The following DLEC1 variants were observed in gnomAD, a reference collection of about 807,000 sequenced individuals.
DLEC1 encodes the protein deleted in lung and esophageal cancer protein 1.
DLEC1 carries 146 observed loss-of-function variants against 198.1 expected under a neutral mutation model. The observed-to-expected ratio is 0.74, with a 90% CI of 0.64 to 0.85. The LOEUF (loss-of-function observed/expected upper bound fraction) is 0.85, where lower values mean the gene tolerates loss of function less well. Ranked by LOEUF, DLEC1 falls within the 40% of genes least tolerant of loss-of-function variation. DLEC1 has a pLI of 0.00. For missense variants in DLEC1, 2,233 were observed against 2,220.0 expected, an observed-to-expected ratio of 1.01 and a Z score of -0.12; for synonymous variants, 897 against 866.8, an observed-to-expected ratio of 1.03 and a Z score of -0.61.
At chr3:38,059,470 C>T (rs1696563972) in intron 2 of DLEC1, among the ~76,000 whole-genome samples, 1 of 152,232 alleles carries the variant, frequency 6.6e-6, no homozygotes, top group African/African-American at 2.4e-5. Flanking sequence ...TTTATTCAAT[C>T]TACCATATTT....
intron 22 of DLEC1, chr3:38,109,798 G>T (rs1699765954): frequency 1.3e-6 from 1 of 748,444 alleles, no homozygotes; most frequent in African/African-American, 1.8e-5. Flanking sequence ...GCCCTGGCAG[G>T]CAGGAGATGG....
At chr3:38,114,570 ATT>A in intron 26 of DLEC1, 110 bp downstream of exon 26, 2 of 1,094,184 alleles carry the variant, frequency 1.8e-6, no homozygotes, top group Non-Finnish European at 2.7e-6. Flanking sequence ...GCCTAGGGCC[ATT>A]GGTGCCACCT....
In DLEC1 at chr3:38,107,462, T is replaced by C. The variant is rs1699625243; in HGVS notation, c.2865-122T>C. The C allele has an allele frequency of 2.7e-6, 3 of 1,093,076 alleles. No homozygotes were observed. In the East Asian group the frequency reaches 8.4e-5, roughly 31 times the overall value. The allele number at this position is 1,093,076 out of a possible 1,614,324, so 67.7% of individuals were successfully genotyped here. ...CTTTGCCGAACCCACTCATTAATTC[T>C]AGAGTTTCTAAAAATATAGATACCT... On this transcript the variant is annotated intron_variant, in intron 19 of 36. Transcript: ENST00000308059.
At chr3:38,075,616 C>A (rs544732124) in intron 6 of DLEC1, among the ~76,000 whole-genome samples, 2 of 149,332 alleles carry the variant, frequency 1.3e-5, no homozygotes, top group Admixed American at 1.3e-4. Flanking sequence ...GGGGTCGGGG[C>A]GTGGAAATAA....
chr3:38,064,055 C>T (rs956769921), intron 6 of DLEC1, 136 bp downstream of exon 6: 3 of 553,008 alleles, frequency 5.4e-6, no homozygotes, highest in African/African-American at 2.6e-5. Flanking sequence ...GGGTGTTTCT[C>T]GGAGAGGGGG....
At chr3:38,046,788 C>T (rs2886182) in intron 2 of DLEC1, among the ~76,000 whole-genome samples, 66,228 of 151,978 alleles carry the variant, frequency 0.44, 15,123 homozygotes, top group East Asian at 0.6. Flanking sequence ...TTTTTCCCCC[C>T]CTCAGGCCCA....
In DLEC1 at chr3:38,117,878, C is replaced by T; in HGVS notation, c.4558C>T (p.Leu1520Phe). 1 of 1,614,190 alleles carries T rather than the reference C, an allele frequency of 6.2e-7. No homozygotes were observed. Among genetic ancestry groups the T allele is most frequent in the South Asian group, 1.1e-5 (1 of 91,088 alleles). ...NTTEIPHYFR[L>F]MVSRPFSVSQ... is the part of the protein sequence containing the mutation. The stretch of plus-strand genomic sequence containing the variant: ...TACAGAGATCCCACACTACTTCCGG[C>T]TTATGGTCTCCAGGCCCTTCTCCGT... The change falls in exon 33 of 37, where the codon CTT becomes TTT. Residue 1520 changes from leucine to phenylalanine, a missense_variant. Coordinates refer to ENST00000308059, the MANE Select transcript of DLEC1 (RefSeq NM_007335.4).
At chr3:38,082,934 C>T (rs376531330) in intron 6 of DLEC1, among the ~76,000 whole-genome samples, 10 of 152,132 alleles carry the variant, frequency 6.6e-5, no homozygotes, top group Admixed American at 1.3e-4. Flanking sequence ...AGTCCGTGAC[C>T]GGCGCCGGAG....
rs201487599 is a variant in DLEC1 at position 38,122,356 on chromosome 3, C to T, written c.5212C>T (p.Arg1738Trp). The T allele has an allele frequency of 3.6e-5, 58 of 1,614,144 alleles. No homozygotes were observed. Among genetic ancestry groups the T allele is most frequent in the East Asian group, 2.9e-4 (13 of 44,878 alleles). The change falls in exon 37 of 37, where the codon CGG becomes TGG. Residue 1738 changes from arginine to tryptophan, a missense_variant. Coordinates refer to ENST00000308059, the MANE Select transcript of DLEC1 (RefSeq NM_007335.4). ...GVLGEKSCTL[R>W]LRGQGSYDER... ...GCTCGGTGAGAAGTCCTGCACCCTG[C>T]GGCTCCGGGGCCAAGGCTCCTATGA...
chr3:38,097,427 A>C, intron 16 of DLEC1, 80 bp from the exon 17 acceptor site: 1 of 1,593,642 alleles, frequency 6.3e-7, no homozygotes, highest in South Asian at 1.2e-5. Context: ...AGTCTGTGCA[A>C]GCCAGATGTC....
chr3:38,074,672 A>C (rs1273295698), intron 6 of DLEC1, among the ~76,000 whole-genome samples: 1 of 152,112 alleles, frequency 6.6e-6, no homozygotes, highest in African/African-American at 2.4e-5. Context: ...GCCTTCCTGG[A>C]GGTCAGGTTC....
At chr3:38,116,065 G>A (rs1460235915) in intron 27 of DLEC1, among the ~76,000 whole-genome samples, 2 of 152,072 alleles carry the variant, frequency 1.3e-5, no homozygotes, top group East Asian at 1.9e-4. Context: ...GGGGAAGGAC[G>A]TGAAAGCTGA....
At chr3:38,056,101 ACACACACACACAC>A (rs1696353399) in intron 2 of DLEC1, among the ~76,000 whole-genome samples, 1 of 144,620 alleles carries the variant, frequency 6.9e-6, no homozygotes, top group African/African-American at 2.9e-5. Context: ...ACACACACAC[ACACACACACACAC>A]ACAAATAGCT....
Position 38,084,525 on chromosome 3 carries a change from G to A in DLEC1, c.1261+280G>A, listed in dbSNP as rs1342388051. On this transcript the variant is annotated intron_variant, in intron 7 of 36. Transcript: ENST00000308059. ...AGTGGTAGTAGTAGTAGTGGTAGTA[G>A]TAGTAGTGGTGGTGGTAGTAGTAGT... Among the ~76,000 whole-genome samples the A allele has an allele frequency of 3.7e-5, 5 of 134,322 alleles. 1 individual carries two copies. Among genetic ancestry groups the A allele is most frequent in the African/African-American group, 5.5e-5 (2 of 36,204 alleles). 88.1% of individuals were successfully genotyped at this position (134,322 alleles called of 152,430 possible).
intron 5 of DLEC1, among the ~76,000 whole-genome samples, chr3:38,063,183 A>G (rs1423418746): frequency 1.3e-5 from 2 of 152,258 alleles, no homozygotes; most frequent in Non-Finnish European, 2.9e-5. Context: ...GCCTTTGCCT[A>G]TATATCAGTA....
chr3:38,117,077 G>GGTTTCA lies in DLEC1; in HGVS notation c.4283_4288dup (p.Phe1429_Met1430insSerPhe). The GGTTTCA allele has an allele frequency of 6.2e-7, 1 of 1,614,112 alleles. No homozygotes were observed. The highest frequency in any genetic ancestry group is 8.5e-7 in the Non-Finnish European group (1 of 1,179,974). The stretch of plus-strand genomic sequence containing the variant: ...GGTGGAGTGTACTGGCTACGCCCTG[G>GGTTTCA]GTTTCATGAGCTTGGACAGCAAGGT... On this transcript the variant is annotated inframe_insertion, in exon 30 of 37. Transcript: ENST00000308059.
At position 38,084,177 on chromosome 3, in the gene DLEC1, A is replaced by C. The variant is rs747764504; in HGVS notation, c.1193A>C (p.Asn398Thr). The change falls in exon 7 of 37, where the codon AAC (asparagine) becomes ACC (threonine). Residue 398 changes from asparagine (N) to threonine (T), a missense_variant. Coordinates refer to ENST00000308059, the MANE Select transcript of DLEC1 (RefSeq NM_007335.4). ...CAACAGATGGTAATTGCGCTGCAGA[A>C]CACCACCACGACCAGCCGCTACCTG... ...PVYEMVIALQNTTTTSRYLRV... is the reference protein window; with the variant it reads ...PVYEMVIALQTTTTTSRYLRV... 14 of 1,613,048 alleles carry C rather than the reference A, an allele frequency of 8.7e-6. No homozygotes were observed. In the East Asian group the frequency reaches 2.9e-4, roughly 33 times the overall value.
intron 6 of DLEC1, among the ~76,000 whole-genome samples, chr3:38,066,680 C>T (rs1274677036): frequency 6.6e-6 from 1 of 152,312 alleles, no homozygotes. Flanking sequence ...GACAACTAGG[C>T]CTAATGATAG....
intron 6 of DLEC1, among the ~76,000 whole-genome samples, chr3:38,067,103 G>A (rs924604743): frequency 6.6e-6 from 1 of 152,184 alleles, no homozygotes; most frequent in African/African-American, 2.4e-5. Context: ...CTGTAGATGA[G>A]GTAGACATAG....
Sources: allele counts gnomAD v4.1 joint callset (sites outside exome capture counted in the v4.1 genomes callset), GRCh38; gene constraint gnomAD v4.1.1; transcripts MANE v1.5; gene names NCBI Gene and HGNC (gene_info 2026-07-23, HGNC 2026-07-21).